The following ABCB10 variants were observed in gnomAD, a reference collection of about 807,000 sequenced individuals.
ABCB10 encodes the protein ATP binding cassette subfamily B member 10.
Under a neutral mutation model 65.4 loss-of-function variants are expected in ABCB10, and 54 were observed. That is an observed-to-expected ratio of 0.83 (90% CI 0.66 to 1.04). ABCB10 has a LOEUF of 1.04. Among genes scored for constraint, ABCB10 ranks in the 50% least tolerant of loss-of-function variants. The probability of loss-of-function intolerance (pLI) is 0.00; values close to 1 mark genes in which losing one functional copy is unlikely to be tolerated. For synonymous variants in ABCB10, 418 were observed against 406.5 expected (o/e 1.03, Z -0.34); for missense variants, 846 against 976.6 (o/e 0.87, Z 1.78).
At chr1:229,554,746 G>A (rs544292676) in intron 1 of ABCB10, among the ~76,000 whole-genome samples, 33 of 152,154 alleles carry the variant, frequency 2.2e-4, no homozygotes, top group Middle Eastern at 3.4e-3. Context: ...CCTGGCTTTC[G>A]GGGGCAGTTC....
At chr1:229,545,573 G>C (rs1662947096) in intron 3 of ABCB10, among the ~76,000 whole-genome samples, 3 of 152,094 alleles carry the variant, frequency 2.0e-5, no homozygotes, top group Admixed American at 2.0e-4. Flanking sequence ...TCAGTTATTG[G>C]CAAACTATTA....
chr1:229,518,201 T>C lies in ABCB10; in HGVS notation c.2195A>G (p.Lys732Arg). 1 of 1,613,846 alleles carries C rather than the reference T, an allele frequency of 6.2e-7. No individual in the cohort carries two copies. The highest frequency in any genetic ancestry group is 8.5e-7 in the Non-Finnish European group (1 of 1,179,730). ...TCCTTATGCTGAAATAAAACTTTGT[T>C]TGTTCATTAGTTTTCTGTATATCCC... Reference protein sequence around the residue: ...PNGIYRKLMNKQSFISA With the variant: ...PNGIYRKLMNRQSFISA The change falls in exon 13 of 13, where the codon AAA (lysine) becomes AGA (arginine). Residue 732 changes from lysine to arginine, a missense_variant. Lys to Arg is a conservative substitution (Grantham distance 26). Around this residue, in one of 2 missense-constraint regions of ABCB10, gnomAD observed 632 missense variants for 803.2 expected, o/e 0.79. Coordinates refer to ENST00000344517, the MANE Select transcript of ABCB10 (RefSeq NM_012089.3).
At chr1:229,532,518 T>C (rs750038042) in intron 6 of ABCB10, among the ~76,000 whole-genome samples, 1 of 151,994 alleles carries the variant, frequency 6.6e-6, no homozygotes, top group Non-Finnish European at 1.5e-5. Flanking sequence ...GCTACTCACA[T>C]ACTCCCATAT....
At chr1:229,535,748 C>G (rs1414388793) in intron 6 of ABCB10, among the ~76,000 whole-genome samples, 1 of 146,780 alleles carries the variant, frequency 6.8e-6, no homozygotes, top group African/African-American at 2.5e-5. Context: ...TTTTTTGAGA[C>G]AGAGTCTCAC....
chr1:229,530,360 T>G lies in ABCB10; in HGVS notation c.1484A>C (p.Lys495Thr), dbSNP rs761736268. Residue 495 changes from lysine to threonine, a missense_variant, in exon 8 of 13, where the codon AAG becomes ACG. Transcript: ENST00000344517. Reference sequence around the variant, plus strand: ...AGCTGGATAGGCAAAATGCACGTTCTTAAACTCCAAAGCACCCTGGAAGCT... The same window carrying G: ...AGCTGGATAGGCAAAATGCACGTTCGTAAACTCCAAAGCACCCTGGAAGCT... ...EKSFQGALEF[K>T]NVHFAYPARP... is the part of the protein sequence containing the mutation. The G allele has an allele frequency of 1.9e-6, 3 of 1,614,070 alleles. No individual in the cohort carries two copies. In the African/African-American group the frequency reaches 4.0e-5, roughly 22 times the overall value.
intron 6 of ABCB10, among the ~76,000 whole-genome samples, chr1:229,536,188 A>AG (rs1436350459): frequency 6.6e-6 from 1 of 152,012 alleles, no homozygotes; most frequent in African/African-American, 2.4e-5. Context: ...GAAGGGAGTG[A>AG]GGGAAAAAAG....
At position 229,549,267 on chromosome 1, in the gene ABCB10, T is replaced by C. The variant is rs1663045631; in HGVS notation, c.685A>G (p.Asn229Asp). 1 of 1,614,064 alleles carries C rather than the reference T, an allele frequency of 6.2e-7. No homozygotes were observed. Among genetic ancestry groups the C allele is most frequent in the Non-Finnish European group, 8.5e-7 (1 of 1,180,004 alleles). The change falls in exon 2 of 13, where the codon AAT becomes GAT. Residue 229 changes from asparagine (N) to aspartate (D), a missense_variant. Coordinates refer to ENST00000344517, the MANE Select transcript of ABCB10 (RefSeq NM_012089.3). Reference sequence around the variant, plus strand: ...TGCATGAGGTAGACACGAATGGCATTGGCGGCAGCACCACACAGAAACACG... The same window carrying C: ...TGCATGAGGTAGACACGAATGGCATCGGCGGCAGCACCACACAGAAACACG... ...SAVFLCGAAA[N>D]AIRVYLMQTS...
chr1:229,550,701 A>G (rs1361779468), intron 1 of ABCB10, among the ~76,000 whole-genome samples: 44 of 151,234 alleles, frequency 2.9e-4, no homozygotes, highest in Admixed American at 2.2e-3. Flanking sequence ...AAAAAAAAAA[A>G]AAAATACAAA....
At chr1:229,529,291 G>A (rs1394258412) in intron 8 of ABCB10, among the ~76,000 whole-genome samples, 23 of 33,752 alleles carry the variant, frequency 6.8e-4, no homozygotes, top group Admixed American at 4.6e-3. Context: ...GCAAGACTCC[G>A]TCTCAAAAAA....
chr1:229,549,670 G>A lies in ABCB10; in HGVS notation c.518-236C>T, dbSNP rs1167748684. Among the ~76,000 whole-genome samples, 4 of 152,174 alleles carry A rather than the reference G, an allele frequency of 2.6e-5. No homozygotes were observed. In the South Asian group the frequency reaches 6.2e-4, roughly 24 times the overall value. On this transcript the variant is annotated intron_variant, in intron 1 of 12. Transcript: ENST00000344517. ...GAGTGATCATATCTGAATCAGAGAAGATGACTTCTTAGTCTGATCAACTCT... is the reference window on the plus strand; with the variant it reads ...GAGTGATCATATCTGAATCAGAGAAAATGACTTCTTAGTCTGATCAACTCT...
intron 9 of ABCB10, 61 bp downstream of exon 9, chr1:229,527,168 A>AT (rs1662464910): frequency 2.1e-6 from 3 of 1,461,598 alleles, no homozygotes; most frequent in East Asian, 4.5e-5. Context: ...AAAAAAAAAA[A>AT]GCAAAAGACA....
chr1:229,544,274 G>A (rs569533174), intron 3 of ABCB10, among the ~76,000 whole-genome samples: 21 of 152,072 alleles, frequency 1.4e-4, no homozygotes, highest in East Asian at 1.2e-3. Context: ...AAAATTAGCC[G>A]GGCATGGTGG....
intron 3 of ABCB10, among the ~76,000 whole-genome samples, chr1:229,546,763 A>T (rs914734460): frequency 3.3e-5 from 5 of 152,066 alleles, no homozygotes; most frequent in Admixed American, 3.3e-4. Context: ...GTGTGCCTGT[A>T]GTCCCAGATA....
chr1:229,556,986 G>T lies in ABCB10; in HGVS notation c.517+1150C>A, dbSNP rs76442941. Among the ~76,000 whole-genome samples the T allele has an allele frequency of 9.3e-3, 1,404 of 151,390 alleles. 11 individuals are homozygous for T. The highest frequency in any genetic ancestry group is 0.024 in the Middle Eastern group (7 of 290). On this transcript the variant is annotated intron_variant, in intron 1 of 12. Transcript: ENST00000344517. The stretch of plus-strand genomic sequence containing the variant: ...TTTTTAAAAAGAGGAAAGAGAAAAA[G>T]ATATTTTACAACAAAATCTACACTC...
Position 229,558,298 on chromosome 1 carries a change from G to A in ABCB10, c.355C>T (p.Pro119Ser), listed in dbSNP as rs1178723688. 5.7e-6 allele frequency: 7 copies of A among 1,237,650 alleles called. No homozygotes were observed. The highest frequency in any genetic ancestry group is 4.1e-5 in the Admixed American group (1 of 24,642). The allele number at this position is 1,237,650 out of a possible 1,614,324, so 76.7% of individuals were successfully genotyped here. The change falls in exon 1 of 13, where the codon CCG (proline) becomes TCG (serine). Residue 119 changes from proline (P) to serine (S), a missense_variant. Pro to Ser is a moderately conservative substitution (Grantham distance 74). This residue lies in a region of ABCB10 where 632 missense variants were observed against 803.2 expected (regional missense o/e 0.79). Transcript: ENST00000344517. ...GAPRLPRARF[P>S]GGPAAAAWAG... is the part of the protein sequence containing the mutation. The stretch of plus-strand genomic sequence containing the variant: ...CAGGCAGCGGCTGCGGGACCGCCCG[G>A]GAACCGGGCGCGCGGGAGCCGAGGA...
intron 10 of ABCB10, 68 bp downstream of exon 10, chr1:229,525,868 A>C: frequency 6.6e-7 from 1 of 1,522,480 alleles, no homozygotes; most frequent in Non-Finnish European, 8.8e-7. Context: ...ACAAACAAAA[A>C]AAACAAGAAA....
intron 6 of ABCB10, among the ~76,000 whole-genome samples, chr1:229,534,300 A>C (rs980352396): frequency 2.6e-5 from 4 of 152,246 alleles, no homozygotes; most frequent in Non-Finnish European, 5.9e-5. Flanking sequence ...TGGAGCAACA[A>C]GAACTCTCAT....
Position 229,525,725 on chromosome 1 carries a change from G to C in ABCB10, c.1906+211C>G, listed in dbSNP as rs572113380. Reference sequence around the variant, plus strand: ...CAGGCACCTGTGGTCCCAGCTACTCGGGAGGCTGAGGCAGGAGAATGGCAT... The same window carrying C: ...CAGGCACCTGTGGTCCCAGCTACTCCGGAGGCTGAGGCAGGAGAATGGCAT... On this transcript the variant is annotated intron_variant, in intron 10 of 12. Coordinates refer to ENST00000344517, the MANE Select transcript of ABCB10 (RefSeq NM_012089.3). Among the ~76,000 whole-genome samples, 188 of 152,192 alleles carry C rather than the reference G, an allele frequency of 1.2e-3. 1 individual carries two copies. Among genetic ancestry groups the C allele is most frequent in the African/African-American group, 4.3e-3 (179 of 41,524 alleles).
intron 7 of ABCB10, among the ~76,000 whole-genome samples, chr1:229,531,368 C>T (rs1175659305): frequency 2.0e-5 from 3 of 152,206 alleles, no homozygotes; most frequent in African/African-American, 7.2e-5. Flanking sequence ...TGCGGTAACA[C>T]CCAGATGGAG....
Sources: allele counts gnomAD v4.1 joint callset (sites outside exome capture counted in the v4.1 genomes callset), GRCh38; gene constraint gnomAD v4.1.1; regional missense constraint gnomAD v4.1.1; transcripts MANE v1.5; gene names NCBI Gene and HGNC (gene_info 2026-07-23, HGNC 2026-07-21).